NRN1: variants seen among roughly 807,000 people sequenced by gnomAD.
NRN1 encodes neuritin.
NRN1 carries 4 observed loss-of-function variants against 15.0 expected under a neutral mutation model. That is an observed-to-expected ratio of 0.27 (90% CI 0.13 to 0.61). The LOEUF (loss-of-function observed/expected upper bound fraction) is 0.61. Ranked by LOEUF, NRN1 falls within the 20% of genes least tolerant of loss-of-function variation. NRN1 has a pLI of 0.87. For synonymous variants in NRN1, 85 were observed against 79.8 expected (o/e 1.07, Z -0.35); for missense variants, 134 against 181.9 (o/e 0.74, Z 1.51).
chr6:6,004,451 G>A (rs1452669946), intron 1 of NRN1, among the ~76,000 whole-genome samples: 2 of 152,138 alleles, frequency 1.3e-5, no homozygotes, highest in Non-Finnish European at 2.9e-5. Context: ...AAAACTCAGT[G>A]GCGAAAGAAG....
intron 1 of NRN1, among the ~76,000 whole-genome samples, chr6:6,004,650 C>T (rs573457128): frequency 4.6e-5 from 7 of 152,188 alleles, no homozygotes; most frequent in Non-Finnish European, 1.0e-4. Context: ...GGACTCTAGC[C>T]TTCTCTGGGA....
intron 2 of NRN1, among the ~76,000 whole-genome samples, chr6:6,000,143 G>A (rs919303086): frequency 1.3e-5 from 2 of 152,158 alleles, no homozygotes; most frequent in East Asian, 1.9e-4. Flanking sequence ...CCGGAACTGC[G>A]GGGAAGGCGT....
At position 6,002,394 on chromosome 6, in the gene NRN1, C is replaced by A. The variant is rs758335959; in HGVS notation, c.159G>T (p.Pro53=). The A allele has an allele frequency of 1.9e-6, 3 of 1,614,224 alleles. No homozygotes were observed. The highest frequency in any genetic ancestry group is 1.7e-6 in the Non-Finnish European group (2 of 1,180,018). The change falls in exon 2 of 3, where the codon CCG becomes CCT. Residue 53 remains proline (P), a synonymous_variant. Coordinates refer to ENST00000244766, the MANE Select transcript of NRN1 (RefSeq NM_016588.3). ...TGTTCGTCTTGTCGTCCAGGCCCTG[C>A]GGGTAGTTGGCCATGCTGTCGCCCA... ...LKLGDSMANY[P]QGLDDKTNIK...
At chr6:6,007,080 A>G, upstream of NRN1, 1 of 326,744 alleles carries the variant, frequency 3.1e-6, no homozygotes, top group East Asian at 6.7e-5. Context: ...TTTTTTTAAT[A>G]TAGACACCTT....
rs144443923 is a variant in NRN1, at chr6:6,006,732, G to T, written c.18C>A (p.Asn6Lys). The change falls in exon 1 of 3, where the codon AAC becomes AAA. Residue 6 changes from asparagine to lysine, a missense_variant. Coordinates refer to ENST00000244766, the MANE Select transcript of NRN1 (RefSeq NM_016588.3). Reference protein sequence around the residue: MGLKLNGRYISLILAV... With the variant: MGLKLKGRYISLILAV... ...CGAGGATCAGTGAAATATATCTGCCGTTCAACTTAAGTCCCATCCTACGTT... is the reference window on the plus strand; with the variant it reads ...CGAGGATCAGTGAAATATATCTGCCTTTCAACTTAAGTCCCATCCTACGTT... 5.6e-6 allele frequency: 9 copies of T among 1,614,094 alleles called. No homozygotes were observed. The highest frequency in any genetic ancestry group is 7.6e-6 in the Non-Finnish European group (9 of 1,179,952).
At chr6:6,003,173 G>T in intron 1 of NRN1, 1 of 1,233,038 alleles carries the variant, frequency 8.1e-7, no homozygotes, top group Non-Finnish European at 1.0e-6. Flanking sequence ...GCCTACCGTG[G>T]ACTCTGTATT....
At position 6,006,754 on chromosome 6, in the gene NRN1, C is replaced by T. The variant is rs1022274204; in HGVS notation, c.-5G>A. On this transcript the variant is annotated 5_prime_UTR_variant, in exon 1 of 3. Coordinates refer to ENST00000244766, the MANE Select transcript of NRN1 (RefSeq NM_016588.3). ...GCCGTTCAACTTAAGTCCCATCCTA[C>T]GTTTAGTCAAACCATTTGCGACCGC... 8.1e-6 allele frequency: 13 copies of T among 1,613,954 alleles called. No individual in the cohort carries two copies. The South Asian group carries it at 9.9e-5, about 12-fold the overall frequency.
At position 6,006,686 on chromosome 6, in the gene NRN1, G is replaced by T; in HGVS notation, c.55+9C>A. ...CTCCAGCCTCCAGCCGGGCTGAGCG[G>T]CCACTTACCTATTTGCACCGCGAGG... On this transcript the variant is annotated intron_variant, in intron 1 of 2. Coordinates refer to ENST00000244766, the MANE Select transcript of NRN1 (RefSeq NM_016588.3). 6.2e-7 allele frequency: 1 copy of T among 1,613,614 alleles called. No homozygotes were observed. The highest frequency in any genetic ancestry group is 8.5e-7 in the Non-Finnish European group (1 of 1,179,580).
At position 6,002,455 on chromosome 6, in the gene NRN1, G is replaced by A. The variant is rs1383759811; in HGVS notation, c.98C>T (p.Ala33Val). 1.2e-6 allele frequency: 2 copies of A among 1,614,156 alleles called. No homozygotes were observed. The highest frequency in any genetic ancestry group is 4.5e-5 in the East Asian group (2 of 44,884). ...QAVRAAGKCD[A>V]VFKGFSDCLL... ...ACAGTCCGAAAAGCCCTTGAAGACCGCATCGCACTTGCCCGCTGCTCTCAC... is the reference window on the plus strand; with the variant it reads ...ACAGTCCGAAAAGCCCTTGAAGACCACATCGCACTTGCCCGCTGCTCTCAC... The change falls in exon 2 of 3, where the codon GCG becomes GTG. Residue 33 changes from alanine to valine, a missense_variant. Physicochemically the swap from Ala to Val is moderately conservative, Grantham distance 64. Transcript: ENST00000244766.
chr6:6,006,617 C>T, intron 1 of NRN1, 78 bp downstream of exon 1: 1 of 1,431,236 alleles, frequency 7.0e-7, no homozygotes, highest in Non-Finnish European at 9.8e-7. Context: ...CGCGGACCCG[C>T]TAGTCCCCCT....
intron 1 of NRN1, 80 bp downstream of exon 1, chr6:6,006,615 C>T (rs1037996169): frequency 7.1e-6 from 10 of 1,414,744 alleles, no homozygotes; most frequent in Middle Eastern, 2.2e-4. Flanking sequence ...GCCGCGGACC[C>T]GCTAGTCCCC....
intron 1 of NRN1, chr6:6,003,640 G>T: frequency 2.7e-6 from 3 of 1,111,476 alleles, no homozygotes; most frequent in Non-Finnish European, 3.4e-6. Flanking sequence ...CAAGCCCCAA[G>T]CCCCCAAGCC....
upstream of NRN1, chr6:6,006,956 A>AGG: frequency 1.8e-5 from 1 of 54,758 alleles, no homozygotes; most frequent in African/African-American, 1.3e-4. Flanking sequence ...AGAGAGAGAG[A>AGG]GGCTGAGGGG....
intron 1 of NRN1, chr6:6,003,938 G>C (rs1182690698): frequency 8.1e-7 from 1 of 1,227,952 alleles, no homozygotes; most frequent in African/African-American, 1.6e-5. Flanking sequence ...GCTTGTGTGT[G>C]AATGTGTCCC....
chr6:6,004,139 G>T, intron 1 of NRN1: 1 of 695,706 alleles, frequency 1.4e-6, no homozygotes, highest in Non-Finnish European at 1.8e-6. Flanking sequence ...ACTGGGGAAG[G>T]GACCGAGGTT....
chr6:6,002,593 C>A (rs896227131), intron 1 of NRN1, 96 bp from the exon 2 acceptor site: 2 of 1,495,426 alleles, frequency 1.3e-6, no homozygotes, highest in South Asian at 1.3e-5. Context: ...GCGGCCTCAT[C>A]GCATCGGGCG....
At chr6:6,003,861 C>G (rs1482133690) in intron 1 of NRN1, 1 of 1,232,484 alleles carries the variant, frequency 8.1e-7, no homozygotes, top group Non-Finnish European at 1.0e-6. Flanking sequence ...ATCTCAGAAT[C>G]GAAATCCGCA....
intron 1 of NRN1, chr6:6,002,935 G>A (rs956831871): frequency 1.8e-5 from 7 of 399,520 alleles, no homozygotes; most frequent in East Asian, 1.1e-4. Flanking sequence ...ATTTTGAGGT[G>A]ACAGAAGGGG....
chr6:6,001,166 C>T (rs1757935361), intron 2 of NRN1, among the ~76,000 whole-genome samples: 1 of 152,168 alleles, frequency 6.6e-6, no homozygotes, highest in Non-Finnish European at 1.5e-5. Context: ...AATAGAGTAG[C>T]AAAATTGACA....
Sources: gnomAD v4.1 joint callset for allele counts (sites outside exome capture counted in the v4.1 genomes callset) on GRCh38, gnomAD v4.1.1 for gene constraint, MANE v1.5 for transcripts, NCBI Gene and HGNC (gene_info 2026-07-23, HGNC 2026-07-21) for gene names.